The following KAZN variants were observed in gnomAD, a reference collection of about 807,000 sequenced individuals.
The protein encoded by KAZN is kazrin, periplakin interacting protein, also known as kazrin.
Under a neutral mutation model 87.4 loss-of-function variants are expected in KAZN, and 40 were observed. The observed-to-expected ratio is 0.46, with a 90% CI of 0.36 to 0.60. The LOEUF is 0.60. KAZN is among the 20% of genes least tolerant of loss of function. The pLI is 0.00. For missense variants in KAZN, 898 were observed against 1,073.9 expected (o/e 0.84, Z 2.29); for synonymous variants, 466 against 458.3 (o/e 1.02, Z -0.22).
intron 2 of KAZN, among the ~76,000 whole-genome samples, chr1:14,415,961 A>C (rs571657074): frequency 6.6e-6 from 1 of 152,156 alleles, no homozygotes; most frequent in African/African-American, 2.4e-5. Context: ...GACAAACTCC[A>C]GGGGCTGTAG....
intron 1 of KAZN, among the ~76,000 whole-genome samples, chr1:14,155,278 G>A (rs990958489): frequency 1.3e-5 from 2 of 152,118 alleles, no homozygotes; most frequent in Non-Finnish European, 2.9e-5. Context: ...TATGTGTCTA[G>A]GAATTTGTCC....
At chr1:14,079,648 C>G (rs1375519386) in intron 1 of KAZN, among the ~76,000 whole-genome samples, 5 of 152,214 alleles carry the variant, frequency 3.3e-5, no homozygotes, top group Non-Finnish European at 7.3e-5. Flanking sequence ...GATATACTCA[C>G]AGCAATGCAA....
chr1:14,596,859 A>G (rs1676542277), upstream of KAZN, among the ~76,000 whole-genome samples: 1 of 152,182 alleles, frequency 6.6e-6, no homozygotes, highest in Non-Finnish European at 1.5e-5. Context: ...CATTTGGGTT[A>G]TTTCTGCCTT....
At chr1:15,112,363 GTGTGT>G in intron 13 of KAZN, 59 bp from the exon 14 acceptor site, 1 of 731,420 alleles carries the variant, frequency 1.4e-6, no homozygotes, top group Admixed American at 2.1e-5. Flanking sequence ...GTGTGTGTGT[GTGTGT>G]GTGTGTCTGG....
intron 1 of KAZN, among the ~76,000 whole-genome samples, chr1:14,618,373 A>C (rs1678423079): frequency 6.6e-6 from 1 of 152,222 alleles, no homozygotes; most frequent in African/African-American, 2.4e-5. Flanking sequence ...AGAATGGAAT[A>C]AAGGGATCAT....
intron 1 of KAZN, among the ~76,000 whole-genome samples, chr1:13,901,550 A>G (rs1252901992): frequency 1.3e-5 from 2 of 152,146 alleles, no homozygotes; most frequent in East Asian, 1.9e-4. Context: ...AAGCCCTCCA[A>G]TTTGTGGATG....
chr1:14,119,699 T>C (rs929490455), intron 1 of KAZN, among the ~76,000 whole-genome samples: 1 of 152,152 alleles, frequency 6.6e-6, no homozygotes. Flanking sequence ...TGTCTATAAG[T>C]GTCTCAATAG....
chr1:14,100,655 G>A (rs943674657), intron 1 of KAZN, among the ~76,000 whole-genome samples: 2 of 152,154 alleles, frequency 1.3e-5, no homozygotes, highest in Non-Finnish European at 2.9e-5. Context: ...GGTCACATAG[G>A]CAACCTCTTG....
chr1:14,786,110 T>A (rs1191226845), intron 1 of KAZN, among the ~76,000 whole-genome samples: 1 of 152,234 alleles, frequency 6.6e-6, no homozygotes, highest in African/African-American at 2.4e-5. Flanking sequence ...ATTCTTATCA[T>A]TGTAATTATA....
rs78350814 is a variant in KAZN at position 13,941,727 on chromosome 1, G to C, written c.91+47971G>C. Among the ~76,000 whole-genome samples, 1,206 of 152,080 alleles carry C rather than the reference G, an allele frequency of 7.9e-3. 13 individuals carry two copies. The highest frequency in any genetic ancestry group is 0.027 in the African/African-American group (1,108 of 41,482). On this transcript the variant is annotated intron_variant, in intron 1 of 16. Transcript: ENST00000636203. ...CCTACTGACAACAAGTAGAAAAACC[G>C]GCCCCAAATAAAACAAACCAAACCT...
intron 1 of KAZN, among the ~76,000 whole-genome samples, chr1:14,074,031 C>T (rs1643349171): frequency 6.6e-6 from 1 of 152,158 alleles, no homozygotes; most frequent in Non-Finnish European, 1.5e-5. Flanking sequence ...GGCCCTCAGG[C>T]TGCTGCTCTG....
chr1:14,935,673 C>T (rs770491436), intron 1 of KAZN, among the ~76,000 whole-genome samples: 2 of 152,142 alleles, frequency 1.3e-5, no homozygotes, highest in Non-Finnish European at 2.9e-5. Context: ...TTCCTCTCTC[C>T]CTCCCTCTCC....
At chr1:14,364,246 G>A (rs1015660687) in intron 2 of KAZN, among the ~76,000 whole-genome samples, 6 of 152,162 alleles carry the variant, frequency 3.9e-5, no homozygotes, top group Non-Finnish European at 5.9e-5. Flanking sequence ...TCAGGAGCCA[G>A]AGTCACTGGG....
intron 2 of KAZN, among the ~76,000 whole-genome samples, chr1:14,559,777 C>T (rs1674142284): frequency 6.6e-6 from 1 of 152,144 alleles, no homozygotes; most frequent in South Asian, 2.1e-4. Context: ...AGTCAAAAGA[C>T]CTGAAACCAA....
At chr1:14,783,204 T>A (rs1645408648) in intron 1 of KAZN, among the ~76,000 whole-genome samples, 1 of 152,158 alleles carries the variant, frequency 6.6e-6, no homozygotes, top group African/African-American at 2.4e-5. Context: ...AAAATGCCAT[T>A]TCCAGCACCT....
intron 1 of KAZN, among the ~76,000 whole-genome samples, chr1:14,011,354 C>T (rs1435592333): frequency 6.6e-6 from 1 of 152,176 alleles, no homozygotes; most frequent in Non-Finnish European, 1.5e-5. Flanking sequence ...CACTATAGGG[C>T]CTTTGCAGCT....
Position 15,104,197 on chromosome 1 carries a change from C to T in KAZN, c.2048+8C>T, listed in dbSNP as rs41300108. ...CGTCTTCCACCCAGCCAAGTGAGCACGGGCTGGGATCCAGTCATGTGGGCT... is the reference window on the plus strand; with the variant it reads ...CGTCTTCCACCCAGCCAAGTGAGCATGGGCTGGGATCCAGTCATGTGGGCT... On this transcript the variant is annotated splice_region_variant and intron_variant, in intron 13 of 14. Transcript: ENST00000376030. The T allele has an allele frequency of 9.2e-4, 1,434 of 1,566,520 alleles. 1 individual carries two copies. The highest frequency in any genetic ancestry group is 1.1e-3 in the Non-Finnish European group (1,319 of 1,155,910).
chr1:13,945,794 G>A (rs1054734307), intron 1 of KAZN, among the ~76,000 whole-genome samples: 10 of 151,852 alleles, frequency 6.6e-5, no homozygotes, highest in Non-Finnish European at 1.5e-5. Flanking sequence ...CCTGGTAGAT[G>A]GGGTGAACTG....
chr1:14,914,278 T>G (rs1657562740), intron 1 of KAZN, among the ~76,000 whole-genome samples: 5 of 152,218 alleles, frequency 3.3e-5, no homozygotes, highest in Admixed American at 3.3e-4. Context: ...TTAGTCCCCC[T>G]GGCCCTTGAT....
Sources: gnomAD v4.1 joint callset for allele counts (sites outside exome capture counted in the v4.1 genomes callset) on GRCh38, gnomAD v4.1.1 for gene constraint, MANE v1.5 for transcripts, NCBI Gene and HGNC (gene_info 2026-07-23, HGNC 2026-07-21) for gene names.